The following WDR7 variants were observed in gnomAD, a reference collection of about 807,000 sequenced individuals.
WDR7 encodes the protein WD repeat-containing protein 7.
Under a neutral mutation model 169.4 loss-of-function variants are expected in WDR7, and 46 were observed. The observed-to-expected ratio is 0.27, with a 90% CI of 0.21 to 0.35. WDR7 has a LOEUF of 0.35. Ranked by LOEUF, WDR7 falls within the 10% of genes least tolerant of loss-of-function variation. The probability of loss-of-function intolerance (pLI) is 1.00; values close to 1 mark genes in which losing one functional copy is unlikely to be tolerated. For synonymous variants in WDR7, 612 were observed against 666.8 expected, an observed-to-expected ratio of 0.92 and a Z score of 1.27; for missense variants, 1,534 against 1,859.3, an observed-to-expected ratio of 0.83 and a Z score of 3.22.
At chr18:56,796,575 T>TA (rs1270526813) in intron 19 of WDR7, among the ~76,000 whole-genome samples, 1 of 152,166 alleles carries the variant, frequency 6.6e-6, no homozygotes, top group African/African-American at 2.4e-5. Context: ...AAATTTCCAC[T>TA]AAAAAAACTT....
At chr18:56,770,772 T>G (rs945072534) in intron 16 of WDR7, among the ~76,000 whole-genome samples, 3 of 152,210 alleles carry the variant, frequency 2.0e-5, no homozygotes, top group African/African-American at 7.2e-5. Flanking sequence ...TTTTGTGGTC[T>G]TCTTTTATGG....
chr18:56,849,240 G>A (rs1490318284), intron 20 of WDR7, among the ~76,000 whole-genome samples: 1 of 152,082 alleles, frequency 6.6e-6, no homozygotes, highest in Non-Finnish European at 1.5e-5. Context: ...TAGTGACCTA[G>A]AGTTTAGTTC....
chr18:56,818,457 G>A (rs954862604), intron 20 of WDR7, among the ~76,000 whole-genome samples: 1 of 152,160 alleles, frequency 6.6e-6, no homozygotes, highest in Admixed American at 6.5e-5. Flanking sequence ...TTAAACATAT[G>A]TGACAAATGG....
At chr18:56,663,360 A>C (rs1000045955) in intron 1 of WDR7, among the ~76,000 whole-genome samples, 1 of 152,212 alleles carries the variant, frequency 6.6e-6, no homozygotes, top group African/African-American at 2.4e-5. Context: ...CATTTTGTAG[A>C]TTATTGAAGT....
At chr18:56,774,958 T>C (rs2044218105) in intron 16 of WDR7, among the ~76,000 whole-genome samples, 1 of 152,122 alleles carries the variant, frequency 6.6e-6, no homozygotes, top group Non-Finnish European at 1.5e-5. Flanking sequence ...AGAATCTGTT[T>C]TTTTCTTTCC....
downstream of WDR7, chr18:57,032,647 A>T (rs111425732): frequency 6.4e-3 from 980 of 152,208 alleles, 8 homozygotes; most frequent in African/African-American, 0.023. Flanking sequence ...TGAACTGAGC[A>T]TGTGAGGGAT....
chr18:56,770,439 C>T (rs1355046412), intron 16 of WDR7, among the ~76,000 whole-genome samples: 2 of 152,184 alleles, frequency 1.3e-5, no homozygotes, highest in African/African-American at 2.4e-5. Context: ...TGAACTCTCT[C>T]CCCATGGTTC....
rs2048392869 is a variant in WDR7, at chr18:57,028,046, G to GA, written c.*843dup. The GA allele has an allele frequency of 6.6e-6, 1 of 152,082 alleles. No individual in the cohort carries two copies. Among genetic ancestry groups the GA allele is most frequent in the South Asian group, 2.1e-4 (1 of 4,814 alleles). The allele number at this position is 152,082 out of a possible 1,614,324, so 9.4% of individuals were successfully genotyped here. On this transcript the variant is annotated 3_prime_UTR_variant, in exon 28 of 28. Coordinates refer to ENST00000254442, the MANE Select transcript of WDR7 (RefSeq NM_015285.3). Reference sequence around the variant, plus strand: ...CAAGTTCAGAAGCATAGCGTGTACCGAAAATGAAGACTCTCCTATCTACTG... The same window carrying GA: ...CAAGTTCAGAAGCATAGCGTGTACCGAAAAATGAAGACTCTCCTATCTACTG...
At chr18:57,022,400 G>A (rs1041629449) in intron 27 of WDR7, among the ~76,000 whole-genome samples, 2 of 152,172 alleles carry the variant, frequency 1.3e-5, no homozygotes, top group African/African-American at 4.8e-5. Flanking sequence ...GTACTGGCCT[G>A]TGCATTAGAG....
At chr18:57,004,019 GTATGTGTGTGTGCGCGCAC>G (rs2048021000) in intron 26 of WDR7, among the ~76,000 whole-genome samples, 1 of 151,794 alleles carries the variant, frequency 6.6e-6, no homozygotes, top group African/African-American at 2.4e-5. Flanking sequence ...CCACATGTGT[GTATGTGTGTGTGCGCGCAC>G]ACACACACCC....
At chr18:57,010,232 G>T (rs1162025944) in intron 26 of WDR7, 4 of 985,384 alleles carry the variant, frequency 4.1e-6, no homozygotes, top group Non-Finnish European at 4.8e-6. Context: ...GGTTTGCCCA[G>T]ATCTGAAGAA....
rs780392877 is a variant in WDR7, at chr18:56,696,287, CAT to C, written c.1404_1405del (p.Cys469PhefsTer12). The C allele has an allele frequency of 6.2e-7, 1 of 1,614,132 alleles. No homozygotes were observed. Among genetic ancestry groups the C allele is most frequent in the South Asian group, 1.1e-5 (1 of 91,076 alleles). ...CTCCGTGGTCATCGGAACAAAGTCA[CAT>C]GTTTGCTATATCCTCATCAGGTCTC... On this transcript the variant is annotated frameshift_variant, in exon 12 of 28. Coordinates refer to ENST00000254442, the MANE Select transcript of WDR7 (RefSeq NM_015285.3). LOFTEE classifies it high-confidence loss of function.
At chr18:56,747,471 CA>C (rs566634228) in intron 14 of WDR7, among the ~76,000 whole-genome samples, 98 of 152,298 alleles carry the variant, frequency 6.4e-4, no homozygotes, top group Non-Finnish European at 1.2e-3. Context: ...AGCTAGGCCC[CA>C]AGCTACAACC....
At chr18:56,785,737 C>G (rs530002560) in intron 19 of WDR7, among the ~76,000 whole-genome samples, 71 of 151,970 alleles carry the variant, frequency 4.7e-4, no homozygotes, top group African/African-American at 1.6e-3. Flanking sequence ...TATTTAGGTA[C>G]ATTATGCAAT....
chr18:56,686,950 G>T lies in WDR7; in HGVS notation c.693G>T (p.Leu231Phe). The change falls in exon 7 of 28, where the codon TTG becomes TTT. Residue 231 changes from leucine (L) to phenylalanine (F), a missense_variant. Leu to Phe is a conservative substitution (Grantham distance 22). Transcript: ENST00000254442. Reference protein sequence around the residue: ...SFCAFTQRSLLVVCSKYWRVF... With the variant: ...SFCAFTQRSLFVVCSKYWRVF... ...GTGCATTTACACAAAGGTCACTTTT[G>T]GTTGTGTGTTCCAAATATTGGAGGG... 1 of 1,610,336 alleles carries T rather than the reference G, an allele frequency of 6.2e-7. No homozygotes were observed. Among genetic ancestry groups the T allele is most frequent in the Non-Finnish European group, 8.5e-7 (1 of 1,177,454 alleles).
At chr18:56,822,116 G>T (rs1478484701) in intron 20 of WDR7, among the ~76,000 whole-genome samples, 1 of 152,132 alleles carries the variant, frequency 6.6e-6, no homozygotes, top group East Asian at 1.9e-4. Context: ...ATGCAAATTT[G>T]TTATTCTAAA....
intron 19 of WDR7, among the ~76,000 whole-genome samples, chr18:56,809,272 T>C (rs2044828440): frequency 6.6e-6 from 1 of 152,176 alleles, no homozygotes; most frequent in African/African-American, 2.4e-5. Context: ...TATTTCCTTA[T>C]TATTCTTTTT....
intron 21 of WDR7, among the ~76,000 whole-genome samples, chr18:56,885,265 A>G (rs1353895627): frequency 6.6e-6 from 1 of 152,100 alleles, no homozygotes; most frequent in African/African-American, 2.4e-5. Flanking sequence ...CTCACCAGCA[A>G]TGGATCCAAA....
intron 21 of WDR7, among the ~76,000 whole-genome samples, chr18:56,905,566 A>G (rs1241991486): frequency 1.3e-5 from 2 of 151,934 alleles, no homozygotes; most frequent in African/African-American, 4.8e-5. Context: ...TTCAAGGAAA[A>G]TCTTTTATAT....
Sources: gnomAD v4.1 joint callset for allele counts (sites outside exome capture counted in the v4.1 genomes callset) on GRCh38, gnomAD v4.1.1 for gene constraint, MANE v1.5 for transcripts, NCBI Gene and HGNC (gene_info 2026-07-23, HGNC 2026-07-21) for gene names.